AFMID: variants seen among roughly 807,000 people sequenced by gnomAD.
AFMID encodes kynurenine formamidase.
Under a neutral mutation model 47.5 loss-of-function variants are expected in AFMID, and 39 were observed. The ratio of observed to expected loss-of-function variants is 0.82; its 90% CI spans 0.64 to 1.07. The LOEUF (loss-of-function observed/expected upper bound fraction) is 1.07, where lower values mean the gene tolerates loss of function less well. Ranked by LOEUF, AFMID falls within the 50% of genes least tolerant of loss-of-function variation. The pLI, the probability that AFMID is intolerant of heterozygous loss-of-function variation, is 0.00. For missense variants in AFMID, 375 were observed against 387.5 expected, an observed-to-expected ratio of 0.97 and a Z score of 0.27; for synonymous variants, 130 against 153.2, an observed-to-expected ratio of 0.85 and a Z score of 1.12.
In AFMID at chr17:78,193,910, A is replaced by T. The variant is rs532086625; in HGVS notation, c.154+2850A>T. Among the ~76,000 whole-genome samples the T allele has an allele frequency of 2.3e-3, 340 of 149,758 alleles. 3 individuals are homozygous for T. The highest frequency in any genetic ancestry group is 7.9e-3 in the African/African-American group (323 of 40,630). On this transcript the variant is annotated intron_variant, in intron 2 of 10. Coordinates refer to ENST00000409257, the MANE Select transcript of AFMID (RefSeq NM_001010982.5). ...AGAATGGCTTGAACCCAGAAGGTGG[A>T]GCTTGCAGTGAGCTGAGATCATGCC...
intron 1 of AFMID, chr17:78,190,716 G>A (rs1467661577): frequency 2.3e-6 from 1 of 436,228 alleles, no homozygotes; most frequent in African/African-American, 2.0e-5. Context: ...TAACTGCTGT[G>A]GGAGTGGTGC....
intron 2 of AFMID, among the ~76,000 whole-genome samples, chr17:78,194,412 T>C (rs1179366977): frequency 6.6e-6 from 1 of 151,954 alleles, no homozygotes; most frequent in Non-Finnish European, 1.5e-5. Flanking sequence ...AGCCACACTT[T>C]GCCTTCTTTG....
At chr17:78,189,438 G>A (rs1361891324) in intron 1 of AFMID, among the ~76,000 whole-genome samples, 1 of 150,946 alleles carries the variant, frequency 6.6e-6, no homozygotes, top group African/African-American at 2.4e-5. Flanking sequence ...GGCCAGGATG[G>A]TCTCGAACTC....
intron 2 of AFMID, among the ~76,000 whole-genome samples, chr17:78,191,284 CA>C (rs1281933246): frequency 6.6e-6 from 1 of 152,160 alleles, no homozygotes; most frequent in Admixed American, 6.5e-5. Flanking sequence ...GTCCACGGCT[CA>C]GTCGACCATG....
chr17:78,195,816 C>T (rs905285710), intron 2 of AFMID, among the ~76,000 whole-genome samples: 10 of 151,954 alleles, frequency 6.6e-5, no homozygotes, highest in African/African-American at 2.4e-4. Flanking sequence ...GTTTTTAATA[C>T]CATGCACAGC....
At chr17:78,205,309 C>T (rs891822110) in intron 7 of AFMID, 119 bp downstream of exon 7, 54 of 1,426,492 alleles carry the variant, frequency 3.8e-5, no homozygotes, top group Non-Finnish European at 4.7e-5. Context: ...GGCTTCGAGC[C>T]CTCTGAGCAA....
chr17:78,190,991 C>G lies in AFMID; in HGVS notation c.85C>G (p.Pro29Ala), dbSNP rs2075952273. 6.2e-7 allele frequency: 1 copy of G among 1,613,936 alleles called. No individual in the cohort carries two copies. The highest frequency in any genetic ancestry group is 1.3e-5 in the African/African-American group (1 of 75,026). ...SAEELENQYC[P>A]SRWVVRLGAE... is the part of the protein sequence containing the mutation. ...GCAGGAGCTGGAGAATCAGTACTGT[C>G]CCAGCCGATGGGTTGTCCGACTGGG... is the stretch of plus-strand genomic sequence containing the variant. Residue 29 changes from proline (P) to alanine (A), a missense_variant, in exon 2 of 11, where the codon CCC (proline) becomes GCC (alanine). Physicochemically the swap from Pro to Ala is conservative, Grantham distance 27. Transcript: ENST00000409257.
chr17:78,197,221 C>G lies in AFMID; in HGVS notation c.155-5278C>G, dbSNP rs148024732. On this transcript the variant is annotated intron_variant, in intron 2 of 10. Transcript: ENST00000409257. ...CCGATGAGCCTGTGAGGCACATTGT[C>G]TTCACACTGTGCTGGGGCAGGGTTG... 51 of 1,550,396 alleles carry G rather than the reference C, an allele frequency of 3.3e-5. No homozygotes were observed. The African/African-American group carries it at 6.7e-4, about 20-fold the overall frequency.
At chr17:78,188,571 T>C (rs933367728) in intron 1 of AFMID, among the ~76,000 whole-genome samples, 1 of 151,302 alleles carries the variant, frequency 6.6e-6, no homozygotes, top group Non-Finnish European at 1.5e-5. Flanking sequence ...AGGCACACTG[T>C]AGCTGGTACT....
At chr17:78,194,973 C>T (rs890703738) in intron 2 of AFMID, among the ~76,000 whole-genome samples, 13 of 152,092 alleles carry the variant, frequency 8.5e-5, no homozygotes, top group Non-Finnish European at 1.8e-4. Context: ...GGATTACAGG[C>T]GTGAGCCACC....
Position 78,207,049 on chromosome 17 carries a change from C to A in AFMID, c.*112C>A, listed in dbSNP as rs763164801. The A allele has an allele frequency of 1.7e-6, 2 of 1,176,330 alleles. No homozygotes were observed. Among genetic ancestry groups the A allele is most frequent in the Non-Finnish European group, 1.3e-6 (1 of 787,162 alleles). 72.9% of individuals were successfully genotyped at this position (1,176,330 alleles called of 1,614,324 possible). On this transcript the variant is annotated 3_prime_UTR_variant, in exon 11 of 11. Coordinates refer to ENST00000409257, the MANE Select transcript of AFMID (RefSeq NM_001010982.5). ...CAGTTTCCCCCAGCACCCAGGAGAG[C>A]CTTGCTGTGTCTGTCTGCCCGGCAA...
chr17:78,189,976 C>T lies in AFMID; in HGVS notation c.64-994C>T, dbSNP rs145985519. 9.9e-5 allele frequency among the ~76,000 whole-genome samples: 15 copies of T among 151,122 alleles called. No homozygotes were observed. The East Asian group carries it at 2.2e-3, about 22-fold the overall frequency. On this transcript the variant is annotated intron_variant, in intron 1 of 10. Coordinates refer to ENST00000409257, the MANE Select transcript of AFMID (RefSeq NM_001010982.5). ...CCTCCTGAGTAGCTGGGATTACAGG[C>T]GCGCGTCACCATGCCTGGTTAATTT...
chr17:78,202,813 TC>T, intron 4 of AFMID, 62 bp downstream of exon 4: 1 of 1,542,068 alleles, frequency 6.5e-7, no homozygotes, highest in Non-Finnish European at 8.8e-7. Flanking sequence ...GGGGGACTCC[TC>T]CTCCAGGGCT....
chr17:78,190,263 C>A (rs1365004575), intron 1 of AFMID, among the ~76,000 whole-genome samples: 2 of 152,168 alleles, frequency 1.3e-5, no homozygotes, highest in African/African-American at 4.8e-5. Flanking sequence ...AGCCTCACCT[C>A]TGTGTGTCAG....
chr17:78,201,089 C>G (rs1007719605), intron 2 of AFMID, among the ~76,000 whole-genome samples: 5 of 151,914 alleles, frequency 3.3e-5, no homozygotes, highest in Admixed American at 2.6e-4. Context: ...TTCTGCCTCC[C>G]AGGTTCAAGT....
chr17:78,194,632 G>C (rs547799620), intron 2 of AFMID, among the ~76,000 whole-genome samples: 1 of 152,212 alleles, frequency 6.6e-6, no homozygotes, highest in South Asian at 2.1e-4. Flanking sequence ...CAGAGAGGGG[G>C]TTTAAGAACC....
intron 5 of AFMID, 34 bp downstream of exon 5, chr17:78,204,775 G>T: frequency 1.2e-6 from 2 of 1,614,126 alleles, no homozygotes; most frequent in Non-Finnish European, 1.7e-6. Flanking sequence ...TCCGAGGGCC[G>T]GTGGGCTTTA....
chr17:78,206,084 A>G, intron 10 of AFMID, 34 bp downstream of exon 10: 1 of 1,583,922 alleles, frequency 6.3e-7, no homozygotes, highest in Non-Finnish European at 8.7e-7. Context: ...CTTTCATGGT[A>G]GACAGCACAG....
chr17:78,193,208 A>G lies in AFMID; in HGVS notation c.154+2148A>G, dbSNP rs375137802. Among the ~76,000 whole-genome samples the G allele has an allele frequency of 1.1e-4, 16 of 151,758 alleles. No homozygotes were observed. The East Asian group carries it at 2.9e-3, about 28-fold the overall frequency. ...AACACGGTGAAACCCCATCTCTACT[A>G]AAAATATAAAAAATTAGCCAGGCAT... On this transcript the variant is annotated intron_variant, in intron 2 of 10. Coordinates refer to ENST00000409257, the MANE Select transcript of AFMID (RefSeq NM_001010982.5).
Sources: gnomAD v4.1 joint callset for allele counts (sites outside exome capture counted in the v4.1 genomes callset) on GRCh38, gnomAD v4.1.1 for gene constraint, MANE v1.5 for transcripts, NCBI Gene and HGNC (gene_info 2026-07-23, HGNC 2026-07-21) for gene names.